Variants in CEP162 observed in about 807,000 individuals in gnomAD.
CEP162 encodes the protein centrosomal protein of 162 kDa.
CEP162 carries 141 observed loss-of-function variants against 169.2 expected under a neutral mutation model. That is an observed-to-expected ratio of 0.83 (90% CI 0.73 to 0.96). The LOEUF (loss-of-function observed/expected upper bound fraction) is 0.96. Among genes scored for constraint, CEP162 ranks in the 40% least tolerant of loss-of-function variants. CEP162 has a pLI of 0.00. For missense variants in CEP162, 1,600 were observed against 1,587.2 expected (o/e 1.01, Z -0.14); for synonymous variants, 540 against 526.4 (o/e 1.03, Z -0.35).
At position 84,131,529 on chromosome 6, in the gene CEP162, C is replaced by T. The variant is rs533482904; in HGVS notation, c.3871-5017G>A. ...GACTTGCTTTATGAATCTGGGTGCT[C>T]CTGCATTGGGTGCATATATATTTAG... On this transcript the variant is annotated intron_variant, in intron 25 of 26. Coordinates refer to ENST00000403245, the MANE Select transcript of CEP162 (RefSeq NM_014895.4). Among the ~76,000 whole-genome samples the T allele has an allele frequency of 5.3e-5, 8 of 152,260 alleles. No homozygotes were observed. The East Asian group carries it at 1.4e-3, about 26-fold the overall frequency.
chr6:84,134,808 C>G (rs1047232260), intron 25 of CEP162, among the ~76,000 whole-genome samples: 4 of 151,702 alleles, frequency 2.6e-5, no homozygotes, highest in Non-Finnish European at 5.9e-5. Flanking sequence ...TTGCCAGCCT[C>G]CCCCCCACAG....
chr6:84,185,297 G>T lies in CEP162; in HGVS notation c.1553C>A (p.Pro518His). The T allele has an allele frequency of 2.5e-6, 4 of 1,613,568 alleles. No individual in the cohort carries two copies. The South Asian group carries it at 4.4e-5, about 18-fold the overall frequency. Reference protein sequence around the residue: ...ASVRSSGYGKPSSPLKMFSTL... With the variant: ...ASVRSSGYGKHSSPLKMFSTL... ...AGAAAACATCTTGAGTGGTGAACTG[G>T]GTTTGCCATAGCCTGAGCTCCTAAC... Residue 518 changes from proline (P) to histidine (H), a missense_variant, in exon 13 of 27, where the codon CCC becomes CAC. By Grantham distance (77) the Pro-to-His change is moderately conservative. Transcript: ENST00000403245.
At chr6:84,220,306 T>C (rs1041133199) in intron 3 of CEP162, among the ~76,000 whole-genome samples, 3 of 152,136 alleles carry the variant, frequency 2.0e-5, no homozygotes, top group African/African-American at 7.2e-5. Flanking sequence ...TCGGGGTTGT[T>C]TACAGATGTG....
intron 23 of CEP162, among the ~76,000 whole-genome samples, chr6:84,150,500 A>G (rs1217764279): frequency 6.6e-6 from 1 of 152,212 alleles, no homozygotes; most frequent in East Asian, 1.9e-4. Flanking sequence ...TCTCCATGGA[A>G]ACAGTGTGAG....
intron 22 of CEP162, among the ~76,000 whole-genome samples, chr6:84,154,440 C>T (rs2099522375): frequency 1.3e-5 from 2 of 152,014 alleles, no homozygotes; most frequent in African/African-American, 4.8e-5. Flanking sequence ...AGAAACCCAA[C>T]CTCCTTGATG....
At chr6:84,172,239 G>A (rs74382449) in intron 16 of CEP162, among the ~76,000 whole-genome samples, 3,670 of 152,200 alleles carry the variant, frequency 0.024, 137 homozygotes, top group African/African-American at 0.084. Flanking sequence ...GTTAAAGACC[G>A]GTGTTTCTGA....
intron 25 of CEP162, 150 bp from the exon 26 acceptor site, chr6:84,126,662 T>C: frequency 1.9e-6 from 1 of 540,176 alleles, no homozygotes; most frequent in Non-Finnish European, 3.1e-6. Context: ...ATTCTCTATA[T>C]CCAGAAAGTA....
At chr6:84,125,413 A>G (rs2099508524) in intron 26 of CEP162, 137 bp from the exon 27 acceptor site, 2 of 704,506 alleles carry the variant, frequency 2.8e-6, no homozygotes, top group Non-Finnish European at 4.9e-6. Flanking sequence ...TGGATGCAAC[A>G]TTTTCTGTCT....
In CEP162 at chr6:84,174,713, AATGT is replaced by A. The variant is rs2099531659; in HGVS notation, c.2025+10_2025+13del. 8.7e-7 allele frequency: 1 copy of A among 1,154,988 alleles called. No individual in the cohort carries two copies. Among genetic ancestry groups the A allele is most frequent in the South Asian group, 1.5e-5 (1 of 67,410 alleles). 71.5% of individuals were successfully genotyped at this position (1,154,988 alleles called of 1,614,324 possible). ...AATAAATATAAAAAAATACCAGAAC[AATGT>A]ATCTAGTACCTTGGCTTGAAGAATA... On this transcript the variant is annotated intron_variant, in intron 15 of 26. Transcript: ENST00000403245.
chr6:84,213,157 G>A, intron 5 of CEP162, 133 bp from the exon 6 acceptor site: 4 of 504,826 alleles, frequency 7.9e-6, no homozygotes, highest in Middle Eastern at 5.2e-4. Context: ...TCTATCAAAA[G>A]CTAAAAATTT....
At position 84,161,863 on chromosome 6, in the gene CEP162, TTGTTTA is replaced by T. The variant is rs1173154929; in HGVS notation, c.2553_2558del (p.His851_Lys852del). The T allele has an allele frequency of 6.3e-7, 1 of 1,577,280 alleles. No homozygotes were observed. Among genetic ancestry groups the T allele is most frequent in the Non-Finnish European group, 8.7e-7 (1 of 1,155,582 alleles). On this transcript the variant is annotated inframe_deletion, in exon 20 of 27. Coordinates refer to ENST00000403245, the MANE Select transcript of CEP162 (RefSeq NM_014895.4). ...ATCTTTTTTGCAGACGACTGATTTC[TTGTTTA>T]TGTGTTTCTTCTAAAATTTTTATTT... is the stretch of plus-strand genomic sequence containing the variant.
Position 84,180,459 on chromosome 6 carries a change from A to G in CEP162, c.1663+4728T>C, listed in dbSNP as rs1257138510. On this transcript the variant is annotated intron_variant, in intron 13 of 26. Transcript: ENST00000403245. Reference sequence around the variant, plus strand: ...CAAGACAGGGATGCCCTCTCTCACCACTCCTATTCAACATAGTGTTGGAAG... The same window carrying G: ...CAAGACAGGGATGCCCTCTCTCACCGCTCCTATTCAACATAGTGTTGGAAG... Among the ~76,000 whole-genome samples the G allele has an allele frequency of 4.0e-5, 6 of 151,744 alleles. No individual in the cohort carries two copies. The East Asian group carries it at 1.2e-3, about 29-fold the overall frequency.
At chr6:84,129,334 C>T (rs1050751233) in intron 25 of CEP162, among the ~76,000 whole-genome samples, 20 of 152,166 alleles carry the variant, frequency 1.3e-4, no homozygotes, top group Non-Finnish European at 1.9e-4. Flanking sequence ...CCTATTTCTC[C>T]GCATCCTCTC....
chr6:84,133,751 G>C (rs1422164149), intron 25 of CEP162, among the ~76,000 whole-genome samples: 1 of 152,146 alleles, frequency 6.6e-6, no homozygotes, highest in Non-Finnish European at 1.5e-5. Flanking sequence ...CGATTTTCCA[G>C]GTACCGTCTA....
chr6:84,127,324 C>CTACTAA (rs2099509340), intron 25 of CEP162, among the ~76,000 whole-genome samples: 1 of 151,864 alleles, frequency 6.6e-6, no homozygotes, highest in African/African-American at 2.4e-5. Flanking sequence ...AACAATAATA[C>CTACTAA]TAATACTAAA....
rs1406247842 is a variant in CEP162 at position 84,124,950 on chromosome 6, G to A, written c.*120C>T. 1.3e-6 allele frequency: 1 copy of A among 744,256 alleles called. No homozygotes were observed. The highest frequency in any genetic ancestry group is 2.2e-6 in the Non-Finnish European group (1 of 451,896). The allele number at this position is 744,256 out of a possible 1,614,324, so 46.1% of individuals were successfully genotyped here. A position where few individuals can be genotyped will look rare whatever the true frequency, so the allele number is the denominator to read the frequency against. On this transcript the variant is annotated 3_prime_UTR_variant, in exon 27 of 27. Transcript: ENST00000403245. ...GCAATTTATTTTGAAATGTTGCTTTGGTTGTTTGCTTTCTGGAAACATATT... is the reference window on the plus strand; with the variant it reads ...GCAATTTATTTTGAAATGTTGCTTTAGTTGTTTGCTTTCTGGAAACATATT...
At chr6:84,208,822 G>A (rs560274541) in intron 6 of CEP162, among the ~76,000 whole-genome samples, 2 of 152,342 alleles carry the variant, frequency 1.3e-5, no homozygotes, top group South Asian at 4.1e-4. Context: ...TCACAAGATA[G>A]TTATAAGTAA....
intron 13 of CEP162, among the ~76,000 whole-genome samples, chr6:84,181,840 G>T (rs1240952901): frequency 6.6e-6 from 1 of 152,066 alleles, no homozygotes; most frequent in Non-Finnish European, 1.5e-5. Context: ...AGGCATGTAA[G>T]TTGGGGATAT....
intron 13 of CEP162, 26 bp downstream of exon 13, chr6:84,185,161 A>G: frequency 6.4e-7 from 1 of 1,555,186 alleles, no homozygotes; most frequent in East Asian, 2.3e-5. Context: ...GTAAAACAAT[A>G]TACTAAATAA....
Sources: gnomAD v4.1 joint callset for allele counts (sites outside exome capture counted in the v4.1 genomes callset) on GRCh38, gnomAD v4.1.1 for gene constraint, MANE v1.5 for transcripts, NCBI Gene and HGNC (gene_info 2026-07-23, HGNC 2026-07-21) for gene names.